TRIM33: variants seen among roughly 807,000 people sequenced by gnomAD.
TRIM33 encodes the protein E3 ubiquitin-protein ligase TRIM33.
In TRIM33, 20 loss-of-function variants were observed where a neutral mutation model predicts 125.4. That is an observed-to-expected ratio of 0.16 (90% CI 0.11 to 0.23). The LOEUF is 0.23. Among genes scored for constraint, TRIM33 ranks in the 10% least tolerant of loss-of-function variants. The pLI, the probability that TRIM33 is intolerant of heterozygous loss-of-function variation, is 1.00. For missense variants in TRIM33, 920 were observed against 1,411.4 expected (o/e 0.65, Z 5.58); for synonymous variants, 564 against 513.9 (o/e 1.10, Z -1.32).
chr1:114,413,582 AAGAAAAAGACTTTTTCTG>A (rs1652731063), intron 11 of TRIM33, among the ~76,000 whole-genome samples: 3 of 138,426 alleles, frequency 2.2e-5, no homozygotes, highest in African/African-American at 6.2e-5. Flanking sequence ...AAGAAAAGAA[AAGAAAAAGACTTTTTCTG>A]AAAAGAAAAA....
At chr1:114,504,642 C>CT (rs1335853525) in intron 1 of TRIM33, among the ~76,000 whole-genome samples, 1 of 152,196 alleles carries the variant, frequency 6.6e-6, no homozygotes, top group Non-Finnish European at 1.5e-5. Context: ...GTGGCCCACA[C>CT]TTTGAGAATC....
intron 4 of TRIM33, among the ~76,000 whole-genome samples, chr1:114,462,032 G>A (rs1350808584): frequency 1.3e-5 from 2 of 152,218 alleles, no homozygotes; most frequent in Non-Finnish European, 2.9e-5. Context: ...GGGTTAAGAA[G>A]AGATCTGGAG....
chr1:114,440,338 T>C (rs1418020713), intron 4 of TRIM33, among the ~76,000 whole-genome samples: 7 of 151,564 alleles, frequency 4.6e-5, no homozygotes, highest in Admixed American at 4.6e-4. Context: ...GAAAGTATCT[T>C]AATTTTAGAC....
At chr1:114,403,022 G>T in intron 15 of TRIM33, 139 bp from the exon 16 acceptor site, 2 of 791,950 alleles carry the variant, frequency 2.5e-6, no homozygotes, top group Non-Finnish European at 3.8e-6. Context: ...GTGAAATCTC[G>T]TCAGGTGAAG....
intron 11 of TRIM33, among the ~76,000 whole-genome samples, chr1:114,411,248 T>A (rs1292051035): frequency 6.6e-6 from 1 of 152,026 alleles, no homozygotes; most frequent in East Asian, 1.9e-4. Flanking sequence ...TTTTGCTACA[T>A]TGCCCAGATT....
intron 15 of TRIM33, among the ~76,000 whole-genome samples, chr1:114,404,050 CCTCT>C (rs1557842882): frequency 6.6e-6 from 1 of 152,160 alleles, no homozygotes; most frequent in Non-Finnish European, 1.5e-5. Context: ...TGATTCACTC[CCTCT>C]CTCTATATAA....
intron 14 of TRIM33, among the ~76,000 whole-genome samples, chr1:114,406,070 CA>C (rs1479988502): frequency 1.3e-5 from 2 of 152,142 alleles, no homozygotes; most frequent in African/African-American, 4.8e-5. Flanking sequence ...CTAATTATGG[CA>C]CACCCCTTTT....
chr1:114,407,857 C>T (rs1652344210), intron 13 of TRIM33, among the ~76,000 whole-genome samples: 1 of 152,090 alleles, frequency 6.6e-6, no homozygotes, highest in African/African-American at 2.4e-5. Flanking sequence ...CCTATCTTTC[C>T]TATAACCCAA....
At chr1:114,476,326 C>T (rs1402566114) in intron 1 of TRIM33, among the ~76,000 whole-genome samples, 4 of 151,544 alleles carry the variant, frequency 2.6e-5, no homozygotes, top group Non-Finnish European at 5.9e-5. Context: ...TCACTACACA[C>T]AACCCAAAAT....
At chr1:114,404,712 T>C (rs1652120132) in intron 15 of TRIM33, 1 of 152,016 alleles carries the variant, frequency 6.6e-6, no homozygotes, top group Non-Finnish European at 1.5e-5. Flanking sequence ...ACTGTTTAAA[T>C]ATCTACTAGT....
At chr1:114,502,734 T>A (rs1225426371) in intron 1 of TRIM33, among the ~76,000 whole-genome samples, 2 of 152,008 alleles carry the variant, frequency 1.3e-5, no homozygotes, top group East Asian at 3.9e-4. Context: ...CTTGAACTCC[T>A]GGGCTCAAGT....
At position 114,401,446 on chromosome 1, in the gene TRIM33, C is replaced by T. The variant is rs751637845; in HGVS notation, c.2910G>A (p.Leu970=). 6.2e-7 allele frequency: 1 copy of T among 1,611,756 alleles called. No individual in the cohort carries two copies. The highest frequency in any genetic ancestry group is 8.5e-7 in the Non-Finnish European group (1 of 1,178,956). ...PVDQRKCERL[L]LYLYCHELSI... ...TTAATTCATGGCAATAGAGGTAAAG[C>T]AGAAGACGTTCACATTTCTGGCCCA... The change falls in exon 17 of 20, where the codon CTG becomes CTA. Residue 970 remains leucine (L), a synonymous_variant. Coordinates refer to ENST00000358465, the MANE Select transcript of TRIM33 (RefSeq NM_015906.4).
chr1:114,503,852 T>A (rs541162979), intron 1 of TRIM33, among the ~76,000 whole-genome samples: 1 of 152,302 alleles, frequency 6.6e-6, no homozygotes, highest in East Asian at 1.9e-4. Flanking sequence ...CCATAGTTTT[T>A]AAGTAAAACC....
intron 6 of TRIM33, among the ~76,000 whole-genome samples, chr1:114,428,402 A>G (rs1647726599): frequency 1.3e-5 from 2 of 152,254 alleles, no homozygotes; most frequent in Admixed American, 6.5e-5. Context: ...TTGATATCAC[A>G]GAAGTTCACA....
chr1:114,440,177 G>A (rs1348517736), intron 4 of TRIM33, among the ~76,000 whole-genome samples: 4 of 152,102 alleles, frequency 2.6e-5, no homozygotes, highest in Non-Finnish European at 5.9e-5. Context: ...ACCCTCAGAA[G>A]TTGTATCCAC....
chr1:114,488,488 GCA>G (rs1651851835), intron 1 of TRIM33, among the ~76,000 whole-genome samples: 1 of 152,130 alleles, frequency 6.6e-6, no homozygotes, highest in Non-Finnish European at 1.5e-5. Context: ...TGGAGGCCAG[GCA>G]CAGTGGCTCA....
At position 114,510,603 on chromosome 1, in the gene TRIM33, C is replaced by A; in HGVS notation, c.474G>T (p.Glu158Asp). 6.4e-7 allele frequency: 1 copy of A among 1,552,018 alleles called. No homozygotes were observed. Among genetic ancestry groups the A allele is most frequent in the South Asian group, 1.2e-5 (1 of 85,298 alleles). The change falls in exon 1 of 20, where the codon GAG becomes GAT. Residue 158 changes from glutamate (E) to aspartate (D), a missense_variant. Transcript: ENST00000358465. ...CCGGGATGGGCACGCTGAGCTGGCGCTCCGGCTCGGGCAGGCAGCGCAGGC... is the reference window on the plus strand; with the variant it reads ...CCGGGATGGGCACGCTGAGCTGGCGATCCGGCTCGGGCAGGCAGCGCAGGC... ...SFCLRCLPEP[E>D]RQLSVPIPGG...
In TRIM33 at chr1:114,410,189, G is replaced by A. The variant is rs2101108789; in HGVS notation, c.2189C>T (p.Ser730Leu). ...SPGPSALSPGSSGLSNSHTPV... is the reference protein window; with the variant it reads ...SPGPSALSPGLSGLSNSHTPV... ...GTAATACCCGTTTGCTTTACCTGAT[G>A]ATCCCGGAGAAAGGGCAGAGGGACC... is the stretch of plus-strand genomic sequence containing the variant. The change falls in exon 12 of 20, where the codon TCA becomes TTA. Residue 730 changes from serine to leucine, a missense_variant. This residue lies in a region of TRIM33 where 407 missense variants were observed against 589.7 expected (regional missense o/e 0.69). Transcript: ENST00000358465. The A allele has an allele frequency of 6.2e-7, 1 of 1,613,886 alleles. No individual in the cohort carries two copies. Among genetic ancestry groups the A allele is most frequent in the Non-Finnish European group, 8.5e-7 (1 of 1,179,944 alleles).
intron 17 of TRIM33, 46 bp from the exon 18 acceptor site, chr1:114,399,655 A>C: frequency 6.8e-7 from 1 of 1,480,552 alleles, no homozygotes; most frequent in Non-Finnish European, 9.2e-7. Context: ...CAAAAATGCC[A>C]AACTGTTTAA....
Sources: allele counts gnomAD v4.1 joint callset (sites outside exome capture counted in the v4.1 genomes callset), GRCh38; gene constraint gnomAD v4.1.1; regional missense constraint gnomAD v4.1.1; transcripts MANE v1.5; gene names NCBI Gene and HGNC (gene_info 2026-07-23, HGNC 2026-07-21).